The following SCNN1B variants were observed in gnomAD, a reference collection of about 807,000 sequenced individuals.
The protein encoded by SCNN1B is epithelial sodium channel subunit beta.
In SCNN1B, 46 loss-of-function variants were observed where a neutral mutation model predicts 65.3. The ratio of observed to expected loss-of-function variants is 0.70; its 90% CI spans 0.56 to 0.90. The LOEUF is 0.90. Among genes scored for constraint, SCNN1B ranks in the 40% least tolerant of loss-of-function variants. The pLI is 0.00. For synonymous variants in SCNN1B, 349 were observed against 330.6 expected (o/e 1.06, Z -0.60); for missense variants, 751 against 830.5 (o/e 0.90, Z 1.18).
At chr16:23,365,207 G>T (rs1038602039) in intron 4 of SCNN1B, among the ~76,000 whole-genome samples, 7 of 151,900 alleles carry the variant, frequency 4.6e-5, no homozygotes, top group Non-Finnish European at 1.0e-4. Context: ...CAGGAGAATT[G>T]CTTGAATCCA....
At chr16:23,330,912 G>C (rs1422836426) in intron 1 of SCNN1B, among the ~76,000 whole-genome samples, 2 of 152,100 alleles carry the variant, frequency 1.3e-5, no homozygotes, top group African/African-American at 2.4e-5. Context: ...GCAGGAGATG[G>C]AGATAACCCG....
rs116208921 is a variant in SCNN1B, at chr16:23,377,023, C to T, written c.1271-142C>T. 1,040 of 760,144 alleles carry T rather than the reference C, an allele frequency of 1.4e-3. 8 individuals are homozygous for T. In the African/African-American group the frequency reaches 0.016, roughly 12 times the overall value. The allele number at this position is 760,144 out of a possible 1,614,324, so 47.1% of individuals were successfully genotyped here. ...TGGAGGTCGGGGGCTGGGTGGGGAGCGGTGATTTTTCATGACACCTCCTCC... is the reference window on the plus strand; with the variant it reads ...TGGAGGTCGGGGGCTGGGTGGGGAGTGGTGATTTTTCATGACACCTCCTCC... On this transcript the variant is annotated intron_variant, in intron 8 of 12. Transcript: ENST00000343070.
At chr16:23,358,823 C>G (rs1567310414) in intron 4 of SCNN1B, among the ~76,000 whole-genome samples, 1 of 152,236 alleles carries the variant, frequency 6.6e-6, no homozygotes, top group African/African-American at 2.4e-5. Flanking sequence ...ACGAGAATCA[C>G]TTGAACCCGG....
chr16:23,380,544 G>A lies in SCNN1B; in HGVS notation c.1666G>A (p.Val556Met). 6.2e-7 allele frequency: 1 copy of A among 1,614,162 alleles called. No homozygotes were observed. Among genetic ancestry groups the A allele is most frequent in the Non-Finnish European group, 8.5e-7 (1 of 1,180,020 alleles). The change falls in exon 13 of 13, where the codon GTG (valine) becomes ATG (methionine). Residue 556 changes from valine to methionine, a missense_variant. Transcript: ENST00000343070. The surrounding 1 kb of genome is among the most constrained non-coding windows in gnomAD (Gnocchi z 5.4). Reference sequence around the variant, plus strand: ...TGTGTGGATCACCATCATCAAGCTGGTGGCCTTGGCCAAGAGCCTACGGCA... The same window carrying A: ...TGTGTGGATCACCATCATCAAGCTGATGGCCTTGGCCAAGAGCCTACGGCA... ...DFVWITIIKLVALAKSLRQRR... is the reference protein window; with the variant it reads ...DFVWITIIKLMALAKSLRQRR...
chr16:23,361,890 A>G (rs1424546045), intron 4 of SCNN1B, among the ~76,000 whole-genome samples: 4 of 151,508 alleles, frequency 2.6e-5, no homozygotes, highest in Non-Finnish European at 5.9e-5. Context: ...TAATTTTTTT[A>G]TTTTGTAGAG....
In SCNN1B at chr16:23,371,381, C is replaced by T. The variant is rs776073920; in HGVS notation, c.963C>T (p.His321=). The T allele has an allele frequency of 1.9e-5, 31 of 1,614,000 alleles. No individual in the cohort carries two copies. The highest frequency in any genetic ancestry group is 2.7e-5 in the African/African-American group (2 of 74,918). ...ASTAGVRLML[H]EQRSYPFIRD... ...CGGCCGGGGTCAGGCTGATGCTTCACGAGCAGAGGTCATACCCCTTCATCA... is the reference window on the plus strand; with the variant it reads ...CGGCCGGGGTCAGGCTGATGCTTCATGAGCAGAGGTCATACCCCTTCATCA... Residue 321 remains histidine (H), a synonymous_variant, in exon 6 of 13, where the codon CAC becomes CAT. Transcript: ENST00000343070.
At chr16:23,280,566 C>T (rs1263705504) in intron 1 of SCNN1B, among the ~76,000 whole-genome samples, 1 of 152,126 alleles carries the variant, frequency 6.6e-6, no homozygotes, top group African/African-American at 2.4e-5. Flanking sequence ...ATTAAACAAG[C>T]ACAGAGAGGT....
intron 3 of SCNN1B, 139 bp downstream of exon 3, chr16:23,353,213 A>G: frequency 9.4e-7 from 1 of 1,060,218 alleles, no homozygotes; most frequent in African/African-American, 1.6e-5. Context: ...GTTTGCAGAG[A>G]TTTTTTAAAA....
chr16:23,315,253 C>T (rs1434214250), intron 1 of SCNN1B, among the ~76,000 whole-genome samples: 3 of 152,066 alleles, frequency 2.0e-5, no homozygotes, highest in African/African-American at 4.8e-5. Flanking sequence ...AGGAGAATCG[C>T]TTGAACCTGG....
At position 23,378,866 on chromosome 16, in the gene SCNN1B, A is replaced by G; in HGVS notation, c.1466+99A>G. The G allele has an allele frequency of 2.6e-6, 3 of 1,143,970 alleles. No individual in the cohort carries two copies. The South Asian group carries it at 3.8e-5, about 14-fold the overall frequency. 70.9% of individuals were successfully genotyped at this position (1,143,970 alleles called of 1,614,324 possible). A position where few individuals can be genotyped will look rare whatever the true frequency, so the allele number is the denominator to read the frequency against. ...AGGACAGCTCCTCAGACACATTCTC[A>G]CATGGGTCAGACCGAGGAGCAAGTC... On this transcript the variant is annotated intron_variant, in intron 11 of 12. Coordinates refer to ENST00000343070, the MANE Select transcript of SCNN1B (RefSeq NM_000336.3).
rs1961807416 is a variant in SCNN1B, at chr16:23,331,316, T to C, written c.-8-17276T>C. On this transcript the variant is annotated intron_variant, in intron 1 of 12. Transcript: ENST00000343070. ...AAAGTTCAAGGGGCCAGGGAGCTTT[T>C]CCTAGTCACTTTTTTTTTTTTTTTT... 2.0e-5 allele frequency among the ~76,000 whole-genome samples: 3 copies of C among 150,182 alleles called. No individual in the cohort carries two copies. The South Asian group carries it at 6.3e-4, about 31-fold the overall frequency.
At chr16:23,334,331 T>C (rs1961890793) in intron 1 of SCNN1B, among the ~76,000 whole-genome samples, 1 of 152,204 alleles carries the variant, frequency 6.6e-6, no homozygotes, top group Admixed American at 6.5e-5. Context: ...ATTTCAGGGC[T>C]CGAATGAGTG....
At position 23,294,862 on chromosome 16, in the gene SCNN1B, G is replaced by A. The variant is rs138426993; in HGVS notation, n.178+11058G>A. Among the ~76,000 whole-genome samples, 151 of 151,896 alleles carry A rather than the reference G, an allele frequency of 9.9e-4. 1 individual carries two copies. The highest frequency in any genetic ancestry group is 1.9e-3 in the African/African-American group (78 of 41,420). On this transcript the variant is annotated intron_variant and non_coding_transcript_variant, in intron 2 of 3. Coordinates refer to the SCNN1B transcript ENST00000569789. ...ACAAAAATTATCCAGGCATGGTGGC[G>A]CGCGCCTGGAATCCCAGCTACTCGG...
intron 1 of SCNN1B, chr16:23,303,912 C>G (rs1254886986): frequency 2.8e-6 from 2 of 712,010 alleles, no homozygotes; most frequent in Non-Finnish European, 5.0e-6. Context: ...GAGCAAGACT[C>G]TGTTTCAGAA....
chr16:23,362,566 G>C (rs1348732578), intron 4 of SCNN1B, among the ~76,000 whole-genome samples: 2 of 152,116 alleles, frequency 1.3e-5, no homozygotes, highest in African/African-American at 4.8e-5. Flanking sequence ...TGCATGCCTG[G>C]CTCCCAGCCC....
chr16:23,370,252 G>C (rs250560), intron 5 of SCNN1B, among the ~76,000 whole-genome samples: 63,368 of 151,932 alleles, frequency 0.42, 14,919 homozygotes, highest in African/African-American at 0.65. Context: ...ATTACAGGTG[G>C]CCGCCACCAT....
At chr16:23,346,200 CTTTTT>C (rs753802362) in intron 1 of SCNN1B, among the ~76,000 whole-genome samples, 15 of 78,002 alleles carry the variant, frequency 1.9e-4, no homozygotes, top group Non-Finnish European at 2.5e-4. Context: ...TTTTCCTTTT[CTTTTT>C]TTTTTTTTTT....
Position 23,305,578 on chromosome 16 carries a change from T to A in SCNN1B, c.-9+3141T>A, listed in dbSNP as rs376401188. On this transcript the variant is annotated intron_variant, in intron 1 of 12. Coordinates refer to ENST00000343070, the MANE Select transcript of SCNN1B (RefSeq NM_000336.3). ...TATATATATATATATATATATATAT[T>A]ATATATATATATATATATATAACCT... Among the ~76,000 whole-genome samples, 142 of 22,900 alleles carry A rather than the reference T, an allele frequency of 6.2e-3. 11 individuals are homozygous for A. Among genetic ancestry groups the A allele is most frequent in the African/African-American group, 0.021 (98 of 4,694 alleles). 15.0% of individuals were successfully genotyped at this position (22,900 alleles called of 152,430 possible).
At chr16:23,353,567 A>T (rs1364289222) in intron 3 of SCNN1B, among the ~76,000 whole-genome samples, 1 of 152,190 alleles carries the variant, frequency 6.6e-6, no homozygotes, top group Non-Finnish European at 1.5e-5. Flanking sequence ...GCTCACCCCT[A>T]AACCAATCAC....
Sources: gnomAD v4.1 joint callset for allele counts (sites outside exome capture counted in the v4.1 genomes callset) on GRCh38, gnomAD v4.1.1 for gene constraint, Gnocchi (gnomAD v3.1) non-coding constraint, MANE v1.5 for transcripts, NCBI Gene and HGNC (gene_info 2026-07-23, HGNC 2026-07-21) for gene names.